NRG3: variants seen among roughly 807,000 people sequenced by gnomAD.
NRG3 encodes pro-neuregulin-3, membrane-bound isoform.
NRG3 carries 31 observed loss-of-function variants against 66.9 expected under a neutral mutation model. That is an observed-to-expected ratio of 0.46 (90% CI 0.35 to 0.63). NRG3 has a LOEUF of 0.63. Among genes scored for constraint, NRG3 ranks in the 20% least tolerant of loss-of-function variants. The probability of loss-of-function intolerance (pLI) is 0.00; values close to 1 mark genes in which losing one functional copy is unlikely to be tolerated. For missense variants in NRG3, 910 were observed against 878.9 expected, an observed-to-expected ratio of 1.04 and a Z score of -0.45; for synonymous variants, 393 against 359.4, an observed-to-expected ratio of 1.09 and a Z score of -1.06.
intron 1 of NRG3, among the ~76,000 whole-genome samples, chr10:81,991,119 G>A (rs190973601): frequency 6.6e-6 from 1 of 152,244 alleles, no homozygotes; most frequent in Admixed American, 6.5e-5. Flanking sequence ...GAACCAGGAA[G>A]AGTTGGGCAT....
intron 2 of NRG3, among the ~76,000 whole-genome samples, chr10:82,677,461 A>C (rs1302540214): frequency 6.6e-6 from 1 of 152,204 alleles, no homozygotes; most frequent in Non-Finnish European, 1.5e-5. Context: ...ACACACAACA[A>C]GATCATTCAT....
intron 1 of NRG3, among the ~76,000 whole-genome samples, chr10:82,102,044 A>G (rs904328241): frequency 1.5e-5 from 2 of 134,162 alleles, no homozygotes; most frequent in African/African-American, 5.4e-5. Flanking sequence ...TGCACATATA[A>G]ATGTAATGTG....
intron 4 of NRG3, among the ~76,000 whole-genome samples, chr10:82,872,778 C>G (rs1363392644): frequency 6.7e-6 from 1 of 150,308 alleles, no homozygotes; most frequent in Non-Finnish European, 1.5e-5. Context: ...AGTTCAGGAA[C>G]AGCTTTCCAG....
At chr10:82,760,711 A>G (rs2059268530) in intron 3 of NRG3, among the ~76,000 whole-genome samples, 1 of 152,060 alleles carries the variant, frequency 6.6e-6, no homozygotes, top group Admixed American at 6.6e-5. Context: ...ATAGCTACCA[A>G]AACTAAAGAA....
intron 2 of NRG3, among the ~76,000 whole-genome samples, chr10:82,593,536 G>A (rs1237872296): frequency 6.8e-6 from 1 of 147,102 alleles, no homozygotes; most frequent in Non-Finnish European, 1.5e-5. Flanking sequence ...TGACCTCAAA[G>A]CCATTAATTA....
intron 2 of NRG3, among the ~76,000 whole-genome samples, chr10:82,494,923 C>G (rs1192720846): frequency 6.6e-6 from 1 of 151,796 alleles, no homozygotes; most frequent in African/African-American, 2.4e-5. Context: ...ATAGGCTGAT[C>G]CTACTCTTTC....
At chr10:82,071,275 C>T (rs2064791865) in intron 1 of NRG3, among the ~76,000 whole-genome samples, 1 of 152,094 alleles carries the variant, frequency 6.6e-6, no homozygotes, top group African/African-American at 2.4e-5. Flanking sequence ...ATGAGTAAAG[C>T]ATGTTTTGCA....
At chr10:82,403,553 C>G (rs1050345607) in intron 2 of NRG3, among the ~76,000 whole-genome samples, 4 of 152,010 alleles carry the variant, frequency 2.6e-5, no homozygotes, top group Non-Finnish European at 5.9e-5. Context: ...AACATTTTCC[C>G]CAATGACATC....
chr10:82,187,563 C>G (rs1004037188), intron 1 of NRG3, among the ~76,000 whole-genome samples: 2 of 151,984 alleles, frequency 1.3e-5, no homozygotes, highest in African/African-American at 4.8e-5. Context: ...GGATAAAACC[C>G]AGGATTCGTC....
chr10:82,491,293 A>AATATATATATATATATATATAC (rs1554942719), intron 2 of NRG3, among the ~76,000 whole-genome samples: 35 of 82,186 alleles, frequency 4.3e-4, no homozygotes, highest in South Asian at 2.4e-3. Context: ...GTTCCCATAA[A>AATATATATATATATATATATAC]ATATATATAT....
At chr10:82,139,134 G>GC (rs1486128428) in intron 1 of NRG3, among the ~76,000 whole-genome samples, 2 of 152,046 alleles carry the variant, frequency 1.3e-5, no homozygotes, top group South Asian at 2.1e-4. Context: ...TACTTTTCTG[G>GC]CAAGTCTGGG....
At chr10:81,964,819 C>T (rs1281569223) in intron 1 of NRG3, among the ~76,000 whole-genome samples, 1 of 151,996 alleles carries the variant, frequency 6.6e-6, no homozygotes, top group Non-Finnish European at 1.5e-5. Context: ...TTTCCATTTC[C>T]ATGTTCATTA....
chr10:82,297,006 G>A (rs959338384), intron 1 of NRG3, among the ~76,000 whole-genome samples: 1 of 151,922 alleles, frequency 6.6e-6, no homozygotes, highest in African/African-American at 2.4e-5. Flanking sequence ...CCATTGTTTA[G>A]CTCCCATTTA....
intron 6 of NRG3, among the ~76,000 whole-genome samples, chr10:82,959,351 C>T (rs770833073): frequency 6.6e-6 from 1 of 152,164 alleles, no homozygotes; most frequent in Admixed American, 6.5e-5. Flanking sequence ...CCCATGAACA[C>T]TTGTTGAATC....
chr10:82,176,080 AAAC>A (rs2073011716), intron 1 of NRG3, among the ~76,000 whole-genome samples: 1 of 152,196 alleles, frequency 6.6e-6, no homozygotes, highest in Non-Finnish European at 1.5e-5. Context: ...GCTCTGGAAT[AAAC>A]AACAGGAGCA....
At chr10:82,327,472 A>G (rs752658070) in intron 1 of NRG3, among the ~76,000 whole-genome samples, 1 of 152,248 alleles carries the variant, frequency 6.6e-6, no homozygotes, top group Non-Finnish European at 1.5e-5. Flanking sequence ...TTATTCATTT[A>G]CATGAATGTC....
chr10:82,690,659 C>A (rs1286351929), intron 2 of NRG3, among the ~76,000 whole-genome samples: 1 of 152,108 alleles, frequency 6.6e-6, no homozygotes, highest in African/African-American at 2.4e-5. Flanking sequence ...TGCCATCTCC[C>A]CTTCATATGA....
chr10:82,702,518 A>G (rs184310475), intron 2 of NRG3, among the ~76,000 whole-genome samples: 65 of 152,318 alleles, frequency 4.3e-4, no homozygotes, highest in Non-Finnish European at 7.1e-4. Flanking sequence ...ACACAAACTT[A>G]CACTACTATG....
intron 2 of NRG3, among the ~76,000 whole-genome samples, chr10:82,522,590 G>A (rs1846299411): frequency 6.6e-6 from 1 of 151,934 alleles, no homozygotes; most frequent in East Asian, 1.9e-4. Context: ...TATGTTGTTT[G>A]CAAAATGGCC....
Sources: gnomAD v4.1 joint callset for allele counts (sites outside exome capture counted in the v4.1 genomes callset) on GRCh38, gnomAD v4.1.1 for gene constraint, MANE v1.5 for transcripts, NCBI Gene and HGNC (gene_info 2026-07-23, HGNC 2026-07-21) for gene names.